The following DLGAP1 variants were observed in gnomAD, a reference collection of about 807,000 sequenced individuals.
The protein encoded by DLGAP1 is DLG associated protein 1, also known as disks large-associated protein 1.
DLGAP1 carries 11 observed loss-of-function variants against 90.8 expected under a neutral mutation model. The observed-to-expected ratio is 0.12, with a 90% CI of 0.08 to 0.20. The LOEUF (loss-of-function observed/expected upper bound fraction) is 0.20, where lower values mean the gene tolerates loss of function less well. Among genes scored for constraint, DLGAP1 ranks in the 10% least tolerant of loss-of-function variants. DLGAP1 has a pLI of 1.00. For synonymous variants in DLGAP1, 558 were observed against 540.7 expected, an observed-to-expected ratio of 1.03 and a Z score of -0.44; for missense variants, 1,050 against 1,333.8, an observed-to-expected ratio of 0.79 and a Z score of 3.31.
At chr18:4,105,697 A>G (rs2143927266) in intron 2 of DLGAP1, among the ~76,000 whole-genome samples, 3 of 152,298 alleles carry the variant, frequency 2.0e-5, no homozygotes, top group Admixed American at 2.0e-4. Context: ...TTGCTTTTTT[A>G]TCTCTGATAT....
intron 1 of DLGAP1, among the ~76,000 whole-genome samples, chr18:4,246,609 T>C (rs572550372): frequency 2.0e-5 from 3 of 152,252 alleles, no homozygotes; most frequent in South Asian, 4.1e-4. Flanking sequence ...TCAGGGGTGC[T>C]TTCTGTGTCT....
At chr18:4,178,533 C>A (rs1004674216) in intron 1 of DLGAP1, among the ~76,000 whole-genome samples, 4 of 152,096 alleles carry the variant, frequency 2.6e-5, no homozygotes, top group Non-Finnish European at 5.9e-5. Flanking sequence ...TAGTATGGTG[C>A]TTCAGAAATA....
chr18:3,535,575 G>T (rs1274761496), intron 9 of DLGAP1, among the ~76,000 whole-genome samples: 1 of 152,004 alleles, frequency 6.6e-6, no homozygotes, highest in Admixed American at 6.6e-5. Context: ...GGGCGTGGTG[G>T]TGGGCACCTG....
intron 1 of DLGAP1, among the ~76,000 whole-genome samples, chr18:4,242,747 T>C (rs1255677379): frequency 6.6e-6 from 1 of 151,934 alleles, no homozygotes; most frequent in African/African-American, 2.4e-5. Context: ...ATGCATGTAA[T>C]ACCCATGATG....
intron 2 of DLGAP1, among the ~76,000 whole-genome samples, chr18:4,062,937 C>T (rs970185948): frequency 2.6e-5 from 4 of 152,058 alleles, no homozygotes; most frequent in African/African-American, 9.7e-5. Flanking sequence ...TGAGGGATAC[C>T]ATTCTCTCAA....
intron 12 of DLGAP1, among the ~76,000 whole-genome samples, chr18:3,501,674 C>T (rs2049941073): frequency 6.6e-6 from 1 of 152,126 alleles, no homozygotes; most frequent in South Asian, 2.1e-4. Context: ...TTCAAGGGAA[C>T]AGCCATTCCA....
chr18:3,780,778 T>C (rs1336465745), intron 5 of DLGAP1, among the ~76,000 whole-genome samples: 1 of 152,190 alleles, frequency 6.6e-6, no homozygotes, highest in African/African-American at 2.4e-5. Flanking sequence ...CTTTATAATA[T>C]CAATATCAAT....
chr18:3,941,307 T>C (rs893409221), intron 3 of DLGAP1, among the ~76,000 whole-genome samples: 8 of 152,148 alleles, frequency 5.3e-5, no homozygotes, highest in Admixed American at 4.6e-4. Flanking sequence ...GGTTTGGGGC[T>C]CACGATGGAA....
intron 1 of DLGAP1, among the ~76,000 whole-genome samples, chr18:4,208,068 C>T (rs1388368259): frequency 6.6e-6 from 1 of 152,136 alleles, no homozygotes; most frequent in African/African-American, 2.4e-5. Context: ...AGTGAAAGTA[C>T]AGCTGCACGG....
chr18:4,053,137 C>G (rs970791236), intron 2 of DLGAP1, among the ~76,000 whole-genome samples: 2 of 152,124 alleles, frequency 1.3e-5, no homozygotes, highest in African/African-American at 4.8e-5. Context: ...TCTGCAGTAC[C>G]AATTTACTAT....
intron 7 of DLGAP1, among the ~76,000 whole-genome samples, chr18:3,608,702 C>G (rs1478572690): frequency 6.6e-6 from 1 of 152,204 alleles, no homozygotes; most frequent in Non-Finnish European, 1.5e-5. Flanking sequence ...TCATAAGATG[C>G]TCATTCCAGA....
At chr18:3,859,821 C>A (rs1000694872) in intron 4 of DLGAP1, among the ~76,000 whole-genome samples, 3 of 152,094 alleles carry the variant, frequency 2.0e-5, no homozygotes, top group Admixed American at 6.6e-5. Context: ...GCGTTGTGGG[C>A]CAGGCACGGT....
At chr18:3,755,050 TATC>T (rs1362212830) in intron 5 of DLGAP1, among the ~76,000 whole-genome samples, 2 of 152,162 alleles carry the variant, frequency 1.3e-5, no homozygotes, top group Non-Finnish European at 2.9e-5. Flanking sequence ...TTGTAGTTCA[TATC>T]ATACTACTAT....
chr18:4,004,818 G>C (rs2074267830), intron 3 of DLGAP1, among the ~76,000 whole-genome samples: 1 of 152,094 alleles, frequency 6.6e-6, no homozygotes, highest in Admixed American at 6.5e-5. Context: ...ATTATTGTGT[G>C]CATTGACATT....
intron 7 of DLGAP1, among the ~76,000 whole-genome samples, chr18:3,694,034 ACCC>A (rs879757943): frequency 9.4e-6 from 1 of 106,934 alleles, no homozygotes; most frequent in Non-Finnish European, 1.9e-5. Context: ...TCCCCTAGCC[ACCC>A]CCCCCTCAGC....
At chr18:4,437,562 A>G (rs3913842) in intron 1 of DLGAP1, among the ~76,000 whole-genome samples, 78,646 of 137,612 alleles carry the variant, frequency 0.57, 20,939 homozygotes, top group South Asian at 0.72. Context: ...TGATGACAAG[A>G]AAAAAAAGTT....
chr18:3,586,488 C>T (rs1015819574), intron 7 of DLGAP1, among the ~76,000 whole-genome samples: 2 of 152,048 alleles, frequency 1.3e-5, no homozygotes, highest in African/African-American at 2.4e-5. Context: ...ATCTTCATGA[C>T]TGCTTTTTTT....
chr18:3,781,547 G>T (rs1326160905), intron 5 of DLGAP1, among the ~76,000 whole-genome samples: 1 of 151,852 alleles, frequency 6.6e-6, no homozygotes, highest in Non-Finnish European at 1.5e-5. Flanking sequence ...TAGAGATGGG[G>T]TTTCACCATG....
intron 1 of DLGAP1, among the ~76,000 whole-genome samples, chr18:4,429,085 G>T (rs900568957): frequency 6.6e-6 from 1 of 152,110 alleles, no homozygotes; most frequent in African/African-American, 2.4e-5. Context: ...GAGTTACTGT[G>T]TTATTACCTC....
Sources: allele counts gnomAD v4.1 joint callset (sites outside exome capture counted in the v4.1 genomes callset), GRCh38; gene constraint gnomAD v4.1.1; transcripts MANE v1.5; gene names NCBI Gene and HGNC (gene_info 2026-07-23, HGNC 2026-07-21).